The following ZNF618 variants were observed in gnomAD, a reference collection of about 807,000 sequenced individuals.
The protein encoded by ZNF618 is zinc finger protein 618, also known as neural precursor cell expressed, developmentally down-regulated 10.
ZNF618 carries 34 observed loss-of-function variants against 103.0 expected under a neutral mutation model. That is an observed-to-expected ratio of 0.33 (90% CI 0.25 to 0.44). The LOEUF (loss-of-function observed/expected upper bound fraction) is 0.44, where lower values mean the gene tolerates loss of function less well. ZNF618 is among the 20% of genes least tolerant of loss of function. ZNF618 has a pLI of 1.00. For synonymous variants in ZNF618, 551 were observed against 542.2 expected, an observed-to-expected ratio of 1.02 and a Z score of -0.23; for missense variants, 1,059 against 1,295.4, an observed-to-expected ratio of 0.82 and a Z score of 2.80.
intron 10 of ZNF618, among the ~76,000 whole-genome samples, chr9:114,020,663 A>T (rs2163575): frequency 0.6 from 91,417 of 151,934 alleles, 28,503 homozygotes; most frequent in East Asian, 0.78. Flanking sequence ...ATTGCAAATT[A>T]GCTAAATTTA....
At chr9:113,900,699 G>C (rs576081047) in intron 1 of ZNF618, among the ~76,000 whole-genome samples, 1 of 145,918 alleles carries the variant, frequency 6.9e-6, no homozygotes, top group Non-Finnish European at 1.5e-5. Flanking sequence ...CTGTCTCCTA[G>C]CACCGTCCTC....
At chr9:114,026,541 C>T (rs1843514448) in intron 10 of ZNF618, among the ~76,000 whole-genome samples, 1 of 152,230 alleles carries the variant, frequency 6.6e-6, no homozygotes, top group Non-Finnish European at 1.5e-5. Flanking sequence ...TGCTCAGAAA[C>T]TCTGTTCCTG....
intron 3 of ZNF618, among the ~76,000 whole-genome samples, chr9:113,997,899 G>A (rs1422139276): frequency 6.6e-6 from 1 of 152,232 alleles, no homozygotes; most frequent in Non-Finnish European, 1.5e-5. Flanking sequence ...GTCTGTGGTG[G>A]CCACAGGCCA....
intron 3 of ZNF618, among the ~76,000 whole-genome samples, chr9:113,995,713 T>C (rs1454045957): frequency 6.6e-6 from 1 of 152,194 alleles, no homozygotes. Context: ...TCTAATTTTG[T>C]TGAGAGCAGA....
intron 1 of ZNF618, among the ~76,000 whole-genome samples, chr9:113,941,273 A>G (rs1421624529): frequency 2.0e-5 from 3 of 152,144 alleles, no homozygotes; most frequent in Non-Finnish European, 4.4e-5. Context: ...GTTTGTTTTT[A>G]GTAAATATGA....
intron 1 of ZNF618, among the ~76,000 whole-genome samples, chr9:113,936,359 C>T (rs534663708): frequency 6.6e-6 from 1 of 152,352 alleles, no homozygotes; most frequent in East Asian, 1.9e-4. Context: ...AAGTAAAGTG[C>T]CCACTATCGT....
At chr9:114,005,029 C>T (rs1310473965) in intron 6 of ZNF618, among the ~76,000 whole-genome samples, 2 of 152,198 alleles carry the variant, frequency 1.3e-5, no homozygotes, top group African/African-American at 2.4e-5. Context: ...TATTAGGTTA[C>T]ATTTGGCAAG....
intron 13 of ZNF618, among the ~76,000 whole-genome samples, chr9:114,044,017 GA>G (rs1845443430): frequency 6.6e-6 from 1 of 152,176 alleles, no homozygotes; most frequent in Admixed American, 6.5e-5. Context: ...TTACTCTGCT[GA>G]TTATTTCTTT....
intron 1 of ZNF618, among the ~76,000 whole-genome samples, chr9:113,876,808 G>T (rs1162198029): frequency 8.3e-6 from 1 of 119,932 alleles, no homozygotes; most frequent in Admixed American, 1.1e-4. Flanking sequence ...CCCTCTCTGC[G>T]CTCGGGGTCC....
At chr9:113,915,090 C>T (rs543900855) in intron 1 of ZNF618, among the ~76,000 whole-genome samples, 1 of 152,286 alleles carries the variant, frequency 6.6e-6, no homozygotes, top group East Asian at 1.9e-4. Context: ...CAAAGATAAA[C>T]AGTTTTAGCA....
chr9:114,049,141 A>G lies in ZNF618; in HGVS notation c.1839A>G (p.Thr613=). 1.9e-6 allele frequency: 3 copies of G among 1,613,848 alleles called. No homozygotes were observed. The highest frequency in any genetic ancestry group is 1.3e-5 in the African/African-American group (1 of 75,066). ...AGTTCGTGATGTCGGAGATCAGGAC[A>G]GTGTACGTGACGGATTGCCGGGTGA... ...LSEFVMSEIR[T]VYVTDCRVST... Residue 613 remains threonine (T), a synonymous_variant, in exon 15 of 15, where the codon ACA becomes ACG. Coordinates refer to ENST00000374126, the MANE Select transcript of ZNF618 (RefSeq NM_001318042.2).
chr9:113,994,662 G>A (rs767033617), intron 3 of ZNF618, among the ~76,000 whole-genome samples: 2 of 152,176 alleles, frequency 1.3e-5, no homozygotes, highest in Non-Finnish European at 2.9e-5. Context: ...TGACGTAATA[G>A]GTATGGAAGT....
intron 13 of ZNF618, among the ~76,000 whole-genome samples, chr9:114,037,094 A>G (rs753897198): frequency 6.6e-6 from 1 of 152,112 alleles, no homozygotes; most frequent in African/African-American, 2.4e-5. Flanking sequence ...ACATTTCACC[A>G]CGGCATAACA....
chr9:114,033,419 G>T (rs1844283913), intron 12 of ZNF618, among the ~76,000 whole-genome samples: 2 of 148,580 alleles, frequency 1.3e-5, no homozygotes, highest in African/African-American at 5.2e-5. Flanking sequence ...GAGAGAGAGA[G>T]AGCTGTGAGA....
intron 13 of ZNF618, among the ~76,000 whole-genome samples, chr9:114,042,557 A>G (rs770326341): frequency 2.6e-5 from 4 of 152,128 alleles, no homozygotes; most frequent in Non-Finnish European, 4.4e-5. Flanking sequence ...GAGCAGGTGC[A>G]GTGGTTCACA....
Position 113,876,425 on chromosome 9 carries a change from G to A in ZNF618, c.33+12G>A. On this transcript the variant is annotated intron_variant, in intron 1 of 14. Transcript: ENST00000374126. ...CGGCGGCTCCGCAGGTACGACGGGG[G>A]GCCGGGGGCATGCACCGCGCGGGGG... 8.3e-7 allele frequency: 1 copy of A among 1,202,966 alleles called. No homozygotes were observed. The allele number at this position is 1,202,966 out of a possible 1,614,324, so 74.5% of individuals were successfully genotyped here.
intron 10 of ZNF618, among the ~76,000 whole-genome samples, chr9:114,022,108 A>G (rs912785075): frequency 1.3e-5 from 2 of 152,110 alleles, no homozygotes; most frequent in Non-Finnish European, 2.9e-5. Context: ...CTCTTGGGTA[A>G]TTACCTAAGA....
At chr9:114,000,857 CAG>C (rs1388500182) in intron 4 of ZNF618, among the ~76,000 whole-genome samples, 1 of 152,236 alleles carries the variant, frequency 6.6e-6, no homozygotes, top group African/African-American at 2.4e-5. Flanking sequence ...CAGTAAATGA[CAG>C]AGTTAAGACT....
At chr9:113,949,868 G>A (rs533445449) in intron 1 of ZNF618, among the ~76,000 whole-genome samples, 6 of 152,350 alleles carry the variant, frequency 3.9e-5, no homozygotes, top group African/African-American at 1.2e-4. Context: ...ACCTGGTAGC[G>A]CCGTTCCCTG....
Sources: allele counts gnomAD v4.1 joint callset (sites outside exome capture counted in the v4.1 genomes callset), GRCh38; gene constraint gnomAD v4.1.1; transcripts MANE v1.5; gene names NCBI Gene and HGNC (gene_info 2026-07-23, HGNC 2026-07-21).